The following TERF2IP variants were observed in gnomAD, a reference collection of about 807,000 sequenced individuals.
The protein encoded by TERF2IP is telomeric repeat-binding factor 2-interacting protein 1.
Under a neutral mutation model 33.3 loss-of-function variants are expected in TERF2IP, and 35 were observed. The observed-to-expected ratio is 1.05, with a 90% confidence interval of 0.80 to 1.39. The LOEUF (loss-of-function observed/expected upper bound fraction) is 1.39, where lower values mean the gene tolerates loss of function less well. Ranked by LOEUF, TERF2IP falls within the 40% of genes most tolerant of loss-of-function variation. The pLI is 0.00. For synonymous variants in TERF2IP, 253 were observed against 223.2 expected (o/e 1.13, Z -1.19); for missense variants, 583 against 524.8 (o/e 1.11, Z -1.08).
At chr16:75,652,193 G>A (rs1354738450) in intron 1 of TERF2IP, among the ~76,000 whole-genome samples, 2 of 152,148 alleles carry the variant, frequency 1.3e-5, no homozygotes, top group African/African-American at 4.8e-5. Flanking sequence ...CCTAGGGGCA[G>A]CCTCTATTAC....
chr16:75,649,514 A>G (rs2082331079), intron 1 of TERF2IP, among the ~76,000 whole-genome samples: 1 of 151,526 alleles, frequency 6.6e-6, no homozygotes, highest in African/African-American at 2.4e-5. Flanking sequence ...ACTGCTCTCC[A>G]GCGTGGGTGA....
rs1360467287 is a variant in TERF2IP at position 75,648,269 on chromosome 16, G to A, written c.387G>A (p.Arg129=). The A allele has an allele frequency of 1.9e-6, 3 of 1,548,780 alleles. No homozygotes were observed. Among genetic ancestry groups the A allele is most frequent in the Non-Finnish European group, 2.6e-6 (3 of 1,145,864 alleles). ...GCGCCGCGGAGCCGGAGCCGCAGCG[G>A]CACGCCGGGCGGATCGCCTTCACGG... ...AEGAAEPEPQ[R]HAGRIAFTDA... The change falls in exon 1 of 3, where the codon CGG becomes CGA. Residue 129 remains arginine, a synonymous_variant. Coordinates refer to ENST00000300086, the MANE Select transcript of TERF2IP (RefSeq NM_018975.4).
rs369903116 is a variant in TERF2IP, at chr16:75,648,063, G to C, written c.181G>C (p.Ala61Pro). ...CGTGTGCCGAGTGCAGGAGCCCGGG[G>C]CCGTGCTGCTGGCCCAGCCCGGGGA... is the stretch of plus-strand genomic sequence containing the variant. ...GTVCRVQEPG[A>P]VLLAQPGEAL... The change falls in exon 1 of 3, where the codon GCC becomes CCC. Residue 61 changes from alanine to proline, a missense_variant. Ala to Pro is a conservative substitution (Grantham distance 27, BLOSUM62 -1). Coordinates refer to ENST00000300086, the MANE Select transcript of TERF2IP (RefSeq NM_018975.4). 1 of 1,591,798 alleles carries C rather than the reference G, an allele frequency of 6.3e-7. No individual in the cohort carries two copies. The highest frequency in any genetic ancestry group is 2.3e-5 in the East Asian group (1 of 43,988).
At position 75,656,743 on chromosome 16, in the gene TERF2IP, G is replaced by T. The variant is rs372525429; in HGVS notation, c.*132G>T. 5.0e-4 allele frequency: 420 copies of T among 840,730 alleles called. 1 individual carries two copies. In the African/African-American group the frequency reaches 6.4e-3, roughly 13 times the overall value. 52.1% of individuals were successfully genotyped at this position (840,730 alleles called of 1,614,324 possible). On this transcript the variant is annotated 3_prime_UTR_variant, in exon 3 of 3. Transcript: ENST00000300086. ...TTCTGACCATCGCTGCTGTTGCTCTGTGAGTCCTAGATTTTTGTAGCCAAG... is the reference window on the plus strand; with the variant it reads ...TTCTGACCATCGCTGCTGTTGCTCTTTGAGTCCTAGATTTTTGTAGCCAAG...
At chr16:75,652,652 T>C (rs1309751471) in intron 1 of TERF2IP, among the ~76,000 whole-genome samples, 1 of 152,238 alleles carries the variant, frequency 6.6e-6, no homozygotes, top group Non-Finnish European at 1.5e-5. Flanking sequence ...TACAGTAAAA[T>C]TAACTTTTTA....
intron 1 of TERF2IP, among the ~76,000 whole-genome samples, chr16:75,650,323 G>A (rs1220022722): frequency 1.3e-5 from 2 of 152,160 alleles, no homozygotes; most frequent in East Asian, 3.9e-4. Context: ...CAACCCAGGT[G>A]GATATCTGGG....
In TERF2IP at chr16:75,648,543, G is replaced by A; in HGVS notation, c.661G>A (p.Asp221Asn). ...RKAEEDPEAA[D>N]SGEPQNKRTP... is the part of the protein sequence containing the mutation. ...GGCGGAGGAGGACCCGGAGGCCGCG[G>A]ATAGCGGGGGTGAGGAGGCTGAGCG... Residue 221 changes from aspartate to asparagine, a missense_variant, in exon 1 of 3, where the codon GAT becomes AAT. By Grantham distance (23) the Asp-to-Asn change is conservative. Transcript: ENST00000300086. The A allele has an allele frequency of 6.4e-7, 1 of 1,557,456 alleles. No homozygotes were observed. Among genetic ancestry groups the A allele is most frequent in the Non-Finnish European group, 8.7e-7 (1 of 1,148,392 alleles).
rs1276474248 is a variant in TERF2IP, at chr16:75,648,091, C to T, written c.209C>T (p.Ala70Val). Reference protein sequence around the residue: ...GAVLLAQPGEALAEASGDFIS... With the variant: ...GAVLLAQPGEVLAEASGDFIS... ...GTGCTGCTGGCCCAGCCCGGGGAGG[C>T]GCTGGCCGAGGCCTCGGGTGATTTC... is the stretch of plus-strand genomic sequence containing the variant. Residue 70 changes from alanine (A) to valine (V), a missense_variant, in exon 1 of 3, where the codon GCG becomes GTG. Ala to Val is a moderately conservative substitution (Grantham distance 64). Coordinates refer to ENST00000300086, the MANE Select transcript of TERF2IP (RefSeq NM_018975.4). 3.2e-6 allele frequency: 5 copies of T among 1,563,610 alleles called. No homozygotes were observed. The highest frequency in any genetic ancestry group is 1.8e-4 in the Middle Eastern group (1 of 5,670).
In TERF2IP at chr16:75,647,811, C is replaced by G. The variant is rs1460020839; in HGVS notation, c.-72C>G. On this transcript the variant is annotated 5_prime_UTR_variant, in exon 1 of 3. Transcript: ENST00000300086. ...GCGGCAGAGGCGTCTGCGGTGACAGCTCAGTCAGTTGAGCTCTGTGTGCCA... is the reference window on the plus strand; with the variant it reads ...GCGGCAGAGGCGTCTGCGGTGACAGGTCAGTCAGTTGAGCTCTGTGTGCCA... 2.5e-6 allele frequency: 4 copies of G among 1,595,608 alleles called. No homozygotes were observed. The highest frequency in any genetic ancestry group is 2.2e-5 in the East Asian group (1 of 44,650).
intron 2 of TERF2IP, among the ~76,000 whole-genome samples, chr16:75,655,439 G>A (rs2082377523): frequency 6.6e-6 from 1 of 152,200 alleles, no homozygotes; most frequent in South Asian, 2.1e-4. Flanking sequence ...AAAGAAAAAT[G>A]GTTAGGCTTC....
At chr16:75,656,108 A>C (rs899125454) in intron 2 of TERF2IP, 99 bp from the exon 3 acceptor site, 76 of 1,185,674 alleles carry the variant, frequency 6.4e-5, no homozygotes, top group Admixed American at 1.4e-4. Flanking sequence ...GTGTGATTGG[A>C]ATGCAGAGGG....
At chr16:75,649,526 A>G (rs2082331178) in intron 1 of TERF2IP, among the ~76,000 whole-genome samples, 1 of 150,886 alleles carries the variant, frequency 6.6e-6, no homozygotes, top group Non-Finnish European at 1.5e-5. Context: ...CGTGGGTGAC[A>G]GAGCAAGACT....
chr16:75,654,256 GTTC>G lies in TERF2IP; in HGVS notation c.671-12_671-10del, dbSNP rs755912869. The G allele has an allele frequency of 1.9e-6, 3 of 1,602,126 alleles. No homozygotes were observed. In the Admixed American group the frequency reaches 5.0e-5, roughly 27 times the overall value. ...AAAGAGGCTATTGCTAATCTGTGCTGTTCTTCTCTTTAACAGAACCACAGAATA... is the reference window on the plus strand; with the variant it reads ...AAAGAGGCTATTGCTAATCTGTGCTGTTCTCTTTAACAGAACCACAGAATA... On this transcript the variant is annotated splice_polypyrimidine_tract_variant and intron_variant, in intron 1 of 2. Transcript: ENST00000300086.
chr16:75,648,697 T>G, intron 1 of TERF2IP, 145 bp downstream of exon 1: 1 of 1,432,278 alleles, frequency 7.0e-7, no homozygotes, highest in Non-Finnish European at 9.1e-7. Context: ...ATTTGCACCA[T>G]TTTCTTGCCT....
At position 75,656,502 on chromosome 16, in the gene TERF2IP, G is replaced by C. The variant is rs752369066; in HGVS notation, c.1091G>C (p.Arg364Pro). 1.2e-6 allele frequency: 2 copies of C among 1,614,006 alleles called. No individual in the cohort carries two copies. The highest frequency in any genetic ancestry group is 1.3e-5 in the African/African-American group (1 of 74,884). The change falls in exon 3 of 3, where the codon CGA becomes CCA. Residue 364 changes from arginine to proline, a missense_variant. Physicochemically the swap from Arg to Pro is moderately radical, Grantham distance 103 (BLOSUM62 -2). Coordinates refer to ENST00000300086, the MANE Select transcript of TERF2IP (RefSeq NM_018975.4). Reference protein sequence around the residue: ...QRADGYPIWSRQDDIDLQKDD... With the variant: ...QRADGYPIWSPQDDIDLQKDD... The stretch of plus-strand genomic sequence containing the variant: ...GCTGATGGATATCCCATTTGGTCCC[G>C]ACAAGATGACATAGATTTGCAAAAA...
chr16:75,647,867 G>C lies in TERF2IP; in HGVS notation c.-16G>C, dbSNP rs775450974. On this transcript the variant is annotated 5_prime_UTR_variant, in exon 1 of 3. Coordinates refer to ENST00000300086, the MANE Select transcript of TERF2IP (RefSeq NM_018975.4). The stretch of plus-strand genomic sequence containing the variant: ...TCGCGAGGGGGTAGCTCTTCTAGTA[G>C]TGCTCGGCGTCAGACATGGCGGAGG... 93 of 1,601,836 alleles carry C rather than the reference G, an allele frequency of 5.8e-5. 1 individual carries two copies. The South Asian group carries it at 1.0e-3, about 18-fold the overall frequency.
intron 1 of TERF2IP, among the ~76,000 whole-genome samples, chr16:75,650,581 G>A (rs549381202): frequency 1.1e-4 from 17 of 152,230 alleles, no homozygotes; most frequent in African/African-American, 4.1e-4. Flanking sequence ...TGTCACACAG[G>A]CTGGAGTGCG....
At chr16:75,655,905 A>G (rs754171349) in intron 2 of TERF2IP, among the ~76,000 whole-genome samples, 7 of 152,184 alleles carry the variant, frequency 4.6e-5, no homozygotes, top group Non-Finnish European at 8.8e-5. Context: ...TTCATATTCA[A>G]TGTAGCTTCT....
rs1298534430 is a variant in TERF2IP, at chr16:75,648,326, G to A, written c.444G>A (p.Val148=). The A allele has an allele frequency of 1.9e-6, 3 of 1,572,584 alleles. No individual in the cohort carries two copies. In the African/African-American group the frequency reaches 4.0e-5, roughly 21 times the overall value. Residue 148 remains valine (V), a synonymous_variant, in exon 1 of 3, where the codon GTG becomes GTA. Coordinates refer to ENST00000300086, the MANE Select transcript of TERF2IP (RefSeq NM_018975.4). Reference sequence around the variant, plus strand: ...ACGACGTAGCCATCCTTACCTACGTGAAGGAAAATGCCCGCTCGCCCAGCT... The same window carrying A: ...ACGACGTAGCCATCCTTACCTACGTAAAGGAAAATGCCCGCTCGCCCAGCT... ...DADDVAILTY[V]KENARSPSSV... is the part of the protein sequence containing the mutation.
Sources: gnomAD v4.1 joint callset for allele counts (sites outside exome capture counted in the v4.1 genomes callset) on GRCh38, gnomAD v4.1.1 for gene constraint, MANE v1.5 for transcripts, NCBI Gene and HGNC (gene_info 2026-07-23, HGNC 2026-07-21) for gene names.